Variants in BTRC observed in about 807,000 individuals in gnomAD.
BTRC encodes the protein beta-transducin repeat containing E3 ubiquitin protein ligase, also known as F-box/WD repeat-containing protein 1A.
A neutral mutation model predicts 85.5 loss-of-function variants in BTRC; 42 were observed. That is an observed-to-expected ratio of 0.49 (90% CI 0.38 to 0.64). The LOEUF (loss-of-function observed/expected upper bound fraction) is 0.64, where lower values mean the gene tolerates loss of function less well. Ranked by LOEUF, BTRC falls within the 30% of genes least tolerant of loss-of-function variation. The pLI is 0.00. For synonymous variants in BTRC, 255 were observed against 263.3 expected (o/e 0.97, Z 0.30); for missense variants, 594 against 743.5 (o/e 0.80, Z 2.34).
At chr10:101,363,183 A>T (rs538745897) in intron 1 of BTRC, among the ~76,000 whole-genome samples, 2 of 152,352 alleles carry the variant, frequency 1.3e-5, no homozygotes, top group East Asian at 3.9e-4. Context: ...CAGTATTATT[A>T]TTATCCCCAT....
chr10:101,407,312 C>T (rs1943653521), intron 1 of BTRC, among the ~76,000 whole-genome samples: 1 of 152,164 alleles, frequency 6.6e-6, no homozygotes, highest in Non-Finnish European at 1.5e-5. Context: ...CATACCACTG[C>T]ACTCCATCCT....
rs1418485593 is a variant in BTRC at position 101,556,063 on chromosome 10, G to C, written c.*2940G>C. 6.6e-6 allele frequency: 1 copy of C among 152,206 alleles called. No individual in the cohort carries two copies. The highest frequency in any genetic ancestry group is 2.4e-5 in the African/African-American group (1 of 41,444). 9.4% of individuals were successfully genotyped at this position (152,206 alleles called of 1,614,324 possible). On this transcript the variant is annotated 3_prime_UTR_variant, in exon 15 of 15. Transcript: ENST00000370187. ...ATGTCCCTTGGCAAAATTCTTTCTG[G>C]TGTCTCCTAACTTCAGAGACAGGGA... is the stretch of plus-strand genomic sequence containing the variant.
intron 1 of BTRC, among the ~76,000 whole-genome samples, chr10:101,367,651 A>G (rs1395056555): frequency 2.0e-5 from 3 of 152,100 alleles, no homozygotes; most frequent in Non-Finnish European, 2.9e-5. Flanking sequence ...ATATCTGTAG[A>G]TTAGTTTTAC....
intron 13 of BTRC, among the ~76,000 whole-genome samples, chr10:101,543,845 A>G (rs998059693): frequency 1.3e-5 from 2 of 152,168 alleles, no homozygotes; most frequent in African/African-American, 4.8e-5. Flanking sequence ...TTTTACTTCT[A>G]AATATGTTAT....
At chr10:101,451,967 C>T (rs2134141266) in intron 2 of BTRC, among the ~76,000 whole-genome samples, 1 of 152,252 alleles carries the variant, frequency 6.6e-6, no homozygotes, top group African/African-American at 2.4e-5. Context: ...AAAATATATA[C>T]ACATTGGAGT....
intron 1 of BTRC, among the ~76,000 whole-genome samples, chr10:101,367,773 G>T (rs537078129): frequency 6.6e-6 from 1 of 152,288 alleles, no homozygotes; most frequent in South Asian, 2.1e-4. Context: ...GGTTGTTGTG[G>T]GAGGTGTGGT....
At chr10:101,390,583 C>T (rs531821435) in intron 1 of BTRC, among the ~76,000 whole-genome samples, 4 of 152,136 alleles carry the variant, frequency 2.6e-5, no homozygotes, top group Non-Finnish European at 4.4e-5. Context: ...CCTCCCGCCT[C>T]GGTCTCCCAA....
chr10:101,526,702 C>A lies in BTRC; in HGVS notation c.743+503C>A, dbSNP rs192038919. On this transcript the variant is annotated intron_variant, in intron 6 of 14. Transcript: ENST00000370187. ...GGCTGAGGCAGGAGAATCGCATGAACCCTAGGTTTCTTTCAGAAAATTTCT... is the reference window on the plus strand; with the variant it reads ...GGCTGAGGCAGGAGAATCGCATGAAACCTAGGTTTCTTTCAGAAAATTTCT... Among the ~76,000 whole-genome samples the A allele has an allele frequency of 6.8e-3, 1,029 of 152,298 alleles. 5 individuals carry two copies. Among genetic ancestry groups the A allele is most frequent in the Non-Finnish European group, 0.01 (713 of 68,030 alleles).
intron 1 of BTRC, among the ~76,000 whole-genome samples, chr10:101,393,573 T>C (rs1943290938): frequency 1.3e-5 from 2 of 152,142 alleles, no homozygotes; most frequent in Admixed American, 6.6e-5. Flanking sequence ...ATCACAAAAA[T>C]CCAGTATCAT....
chr10:101,463,050 GT>G (rs1201945098), intron 3 of BTRC, among the ~76,000 whole-genome samples: 99 of 116,556 alleles, frequency 8.5e-4, no homozygotes, highest in South Asian at 2.4e-3. Context: ...GTATTTTGGG[GT>G]TTTTTTTTTT....
intron 1 of BTRC, among the ~76,000 whole-genome samples, chr10:101,387,749 G>A (rs540339770): frequency 6.6e-6 from 1 of 151,670 alleles, no homozygotes; most frequent in South Asian, 2.1e-4. Flanking sequence ...AAGTGCGGTG[G>A]CGCGATCTCT....
chr10:101,373,666 C>G (rs892487768), intron 1 of BTRC, among the ~76,000 whole-genome samples: 1 of 151,914 alleles, frequency 6.6e-6, no homozygotes, highest in Non-Finnish European at 1.5e-5. Context: ...GCCTGTAATC[C>G]CAGCACTTTG....
chr10:101,469,257 G>C (rs1945459428), intron 3 of BTRC, among the ~76,000 whole-genome samples: 1 of 152,180 alleles, frequency 6.6e-6, no homozygotes, highest in African/African-American at 2.4e-5. Context: ...GAATGTTTTA[G>C]CCTTTTAATT....
chr10:101,496,886 C>T (rs764486032), intron 4 of BTRC, among the ~76,000 whole-genome samples: 9 of 152,118 alleles, frequency 5.9e-5, no homozygotes, highest in Non-Finnish European at 1.0e-4. Context: ...TAAACTGTGA[C>T]TTGCCTTTTC....
intron 1 of BTRC, among the ~76,000 whole-genome samples, chr10:101,397,289 AAAC>A (rs1943388469): frequency 6.6e-6 from 1 of 152,246 alleles, no homozygotes; most frequent in South Asian, 2.1e-4. Flanking sequence ...GGGAAAATGA[AAAC>A]AGCCCAGATA....
chr10:101,526,911 A>G (rs1308000058), intron 6 of BTRC, among the ~76,000 whole-genome samples: 1 of 152,240 alleles, frequency 6.6e-6, no homozygotes, highest in African/African-American at 2.4e-5. Flanking sequence ...TCCCCAAAGC[A>G]TCATATAGTT....
chr10:101,442,646 G>A (rs895329653), intron 2 of BTRC, among the ~76,000 whole-genome samples: 4 of 151,916 alleles, frequency 2.6e-5, no homozygotes, highest in African/African-American at 7.3e-5. Context: ...AAAAAAAATC[G>A]AGTTGGTGGG....
At chr10:101,355,208 A>G (rs374966769) in intron 1 of BTRC, among the ~76,000 whole-genome samples, 14 of 152,194 alleles carry the variant, frequency 9.2e-5, no homozygotes, top group East Asian at 5.8e-4. Flanking sequence ...GCAAAGACCC[A>G]TAAGAAGTGA....
chr10:101,357,484 A>G (rs1421931729), intron 1 of BTRC, among the ~76,000 whole-genome samples: 1 of 151,474 alleles, frequency 6.6e-6, no homozygotes, highest in Non-Finnish European at 1.5e-5. Context: ...AGCTAGCATC[A>G]AATAATTAGT....
Sources: allele counts gnomAD v4.1 joint callset (sites outside exome capture counted in the v4.1 genomes callset), GRCh38; gene constraint gnomAD v4.1.1; transcripts MANE v1.5; gene names NCBI Gene and HGNC (gene_info 2026-07-23, HGNC 2026-07-21).